Variants in MBTPS1 observed in about 807,000 individuals in gnomAD.
The protein encoded by MBTPS1 is membrane-bound transcription factor site-1 protease.
Under a neutral mutation model 127.8 loss-of-function variants are expected in MBTPS1, and 94 were observed. The observed-to-expected ratio is 0.74, with a 90% confidence interval of 0.62 to 0.87. The LOEUF is 0.87. MBTPS1 is among the 40% of genes least tolerant of loss of function. MBTPS1 has a pLI of 0.00. For synonymous variants in MBTPS1, 632 were observed against 509.4 expected (o/e 1.24, Z -3.24); for missense variants, 1,636 against 1,353.2 (o/e 1.21, Z -3.28).
At chr16:84,073,900 G>C (rs187976202) in intron 12 of MBTPS1, among the ~76,000 whole-genome samples, 1 of 152,192 alleles carries the variant, frequency 6.6e-6, no homozygotes, top group East Asian at 1.9e-4. Flanking sequence ...CAGATACCTG[G>C]GAGGCTGAGC....
chr16:84,068,876 C>G (rs376114246), intron 14 of MBTPS1, among the ~76,000 whole-genome samples: 1 of 152,356 alleles, frequency 6.6e-6, no homozygotes, highest in East Asian at 1.9e-4. Flanking sequence ...GCACAGCTAA[C>G]TGATATCACT....
Position 84,101,813 on chromosome 16 carries a change from C to A in MBTPS1, c.-30G>T, listed in dbSNP as rs772408624. The A allele has an allele frequency of 1.9e-6, 3 of 1,587,040 alleles. No individual in the cohort carries two copies. The African/African-American group carries it at 4.1e-5, about 22-fold the overall frequency. On this transcript the variant is annotated 5_prime_UTR_variant, in exon 2 of 23. The change abolishes an upstream ATG in the 5' untranslated region. Coordinates refer to ENST00000343411, the MANE Select transcript of MBTPS1 (RefSeq NM_003791.4). ...ACAAGCGAATATGATCATAAAATTG[C>A]ATATATTCAAATCACACTTTTTTCT...
Position 84,081,896 on chromosome 16 carries a change from C to A in MBTPS1, c.1299G>T (p.Lys433Asn). The change falls in exon 11 of 23, where the codon AAG becomes AAT. Residue 433 changes from lysine (K) to asparagine (N), a missense_variant. By Grantham distance (94) the Lys-to-Asn change is moderately conservative. Coordinates refer to ENST00000343411, the MANE Select transcript of MBTPS1 (RefSeq NM_003791.4). ...AVTLLVSTVQKRELVNPASMK... is the reference protein window; with the variant it reads ...AVTLLVSTVQNRELVNPASMK... ...TACTGGCGGGATTCACCAGCTCACG[C>A]TTCTGGACTGTGCTGGAGGAAAAAT... 4 of 1,419,270 alleles carry A rather than the reference C, an allele frequency of 2.8e-6. No homozygotes were observed. The highest frequency in any genetic ancestry group is 3.7e-6 in the Non-Finnish European group (4 of 1,077,424). The allele number at this position is 1,419,270 out of a possible 1,614,324, so 87.9% of individuals were successfully genotyped here.
chr16:84,076,966 G>A (rs1215764146), intron 11 of MBTPS1, among the ~76,000 whole-genome samples: 3 of 152,064 alleles, frequency 2.0e-5, no homozygotes, highest in South Asian at 2.1e-4. Flanking sequence ...TGACTCACGC[G>A]TGTCATCCCA....
intron 22 of MBTPS1, among the ~76,000 whole-genome samples, chr16:84,055,068 G>A (rs980460264): frequency 2.0e-5 from 3 of 152,212 alleles, no homozygotes; most frequent in East Asian, 1.9e-4. Context: ...GAAAGGGGGC[G>A]TGGCGGAAGA....
At chr16:84,081,267 G>A (rs952900938) in intron 11 of MBTPS1, among the ~76,000 whole-genome samples, 2 of 152,198 alleles carry the variant, frequency 1.3e-5, no homozygotes, top group East Asian at 1.9e-4. Context: ...AACAAAGCAG[G>A]GCCCAGGCCG....
intron 3 of MBTPS1, 26 bp downstream of exon 3, chr16:84,099,027 A>C (rs767240054): frequency 6.5e-7 from 1 of 1,547,816 alleles, no homozygotes; most frequent in South Asian, 1.2e-5. Context: ...AGCAGAGAGA[A>C]ATTTGCCTAC....
Position 84,060,795 on chromosome 16 carries a change from T to A in MBTPS1, c.2591A>T (p.Asp864Val), listed in dbSNP as rs1348675792. 1.9e-6 allele frequency: 3 copies of A among 1,589,856 alleles called. No homozygotes were observed. Among genetic ancestry groups the A allele is most frequent in the Non-Finnish European group, 2.6e-6 (3 of 1,168,186 alleles). ...ATACGATGTGTACTGGAGGAGGGCA[T>A]CCAGAAGCCAAAAGCAGTCTGCGAA... ...HRQKDCFWLL[D>V]ALLQYTSYGV... Residue 864 changes from aspartate to valine, a missense_variant, in exon 20 of 23, where the codon GAT (aspartate) becomes GTT (valine). Asp to Val is a radical substitution (Grantham distance 152, BLOSUM62 -3). Transcript: ENST00000343411.
chr16:84,065,778 G>C lies in MBTPS1; in HGVS notation c.2354-11C>G. Reference sequence around the variant, plus strand: ...CTGACGCATAATACACTAGGAAAGAGTGTTCAAAGTCAAGGGAACACAGGA... The same window carrying C: ...CTGACGCATAATACACTAGGAAAGACTGTTCAAAGTCAAGGGAACACAGGA... On this transcript the variant is annotated splice_polypyrimidine_tract_variant and intron_variant, in intron 17 of 22. Coordinates refer to ENST00000343411, the MANE Select transcript of MBTPS1 (RefSeq NM_003791.4). 6.5e-7 allele frequency: 1 copy of C among 1,548,754 alleles called. No individual in the cohort carries two copies. The highest frequency in any genetic ancestry group is 8.7e-7 in the Non-Finnish European group (1 of 1,147,782).
chr16:84,076,729 C>G (rs1364434477), intron 11 of MBTPS1, among the ~76,000 whole-genome samples: 1 of 152,086 alleles, frequency 6.6e-6, no homozygotes, highest in Non-Finnish European at 1.5e-5. Context: ...TATATGAAGA[C>G]AACTGTAAAA....
chr16:84,055,504 C>G (rs1329391267), intron 22 of MBTPS1, among the ~76,000 whole-genome samples: 1 of 152,304 alleles, frequency 6.6e-6, no homozygotes, highest in East Asian at 1.9e-4. Flanking sequence ...GTCAGGATCC[C>G]TGGAGAGACA....
intron 10 of MBTPS1, among the ~76,000 whole-genome samples, chr16:84,082,485 C>G (rs2085956123): frequency 6.6e-6 from 1 of 152,192 alleles, no homozygotes; most frequent in Non-Finnish European, 1.5e-5. Context: ...TTCAGTTTCA[C>G]CATGAGAATG....
intron 5 of MBTPS1, among the ~76,000 whole-genome samples, 168 bp from the exon 6 acceptor site, chr16:84,093,465 C>A (rs1028077426): frequency 3.3e-5 from 5 of 152,204 alleles, no homozygotes; most frequent in Non-Finnish European, 5.9e-5. Context: ...ACAAGCACCC[C>A]TTCCAGGTCT....
At chr16:84,081,355 C>T (rs2085937490) in intron 11 of MBTPS1, among the ~76,000 whole-genome samples, 1 of 152,212 alleles carries the variant, frequency 6.6e-6, no homozygotes. Context: ...GTTTGTATGA[C>T]AGTTTTAACA....
At chr16:84,085,497 G>T (rs1177480410) in intron 9 of MBTPS1, among the ~76,000 whole-genome samples, 1 of 151,854 alleles carries the variant, frequency 6.6e-6, no homozygotes, top group African/African-American at 2.4e-5. Flanking sequence ...CAAGGCTGCA[G>T]GGAGCCGTGA....
At chr16:84,107,323 G>C (rs1170496150) in intron 1 of MBTPS1, among the ~76,000 whole-genome samples, 1 of 152,182 alleles carries the variant, frequency 6.6e-6, no homozygotes, top group Non-Finnish European at 1.5e-5. Flanking sequence ...ACCTGCTCTA[G>C]TCACCAAGCC....
At chr16:84,111,566 A>C (rs2086397572) in intron 1 of MBTPS1, among the ~76,000 whole-genome samples, 1 of 152,018 alleles carries the variant, frequency 6.6e-6, no homozygotes, top group African/African-American at 2.4e-5. Flanking sequence ...AAAAGAAAGC[A>C]ATCAAGAGGT....
At chr16:84,058,913 G>A (rs1339175292) in intron 21 of MBTPS1, among the ~76,000 whole-genome samples, 3 of 152,094 alleles carry the variant, frequency 2.0e-5, no homozygotes, top group Admixed American at 6.5e-5. Flanking sequence ...CGCGGCCCCC[G>A]GGGATGACAG....
chr16:84,083,900 C>T (rs2085979439), intron 10 of MBTPS1, among the ~76,000 whole-genome samples: 1 of 152,188 alleles, frequency 6.6e-6, no homozygotes, highest in Non-Finnish European at 1.5e-5. Flanking sequence ...AAACACGGGC[C>T]ACCGATGAAA....
Sources: gnomAD v4.1 joint callset for allele counts (sites outside exome capture counted in the v4.1 genomes callset) on GRCh38, gnomAD v4.1.1 for gene constraint, MANE v1.5 for transcripts, NCBI Gene and HGNC (gene_info 2026-07-23, HGNC 2026-07-21) for gene names.